The following ESR1 variants were observed in gnomAD, a reference collection of about 807,000 sequenced individuals.
The protein encoded by ESR1 is estrogen receptor.
In ESR1, 12 loss-of-function variants were observed where a neutral mutation model predicts 52.7. The observed-to-expected ratio is 0.23, with a 90% CI of 0.15 to 0.37. The LOEUF (loss-of-function observed/expected upper bound fraction) is 0.37, where lower values mean the gene tolerates loss of function less well. Among genes scored for constraint, ESR1 ranks in the 10% least tolerant of loss-of-function variants. The pLI is 1.00. For missense variants in ESR1, 584 were observed against 779.7 expected, an observed-to-expected ratio of 0.75 and a Z score of 2.99; for synonymous variants, 305 against 316.8, an observed-to-expected ratio of 0.96 and a Z score of 0.39.
intron 4 of ESR1, among the ~76,000 whole-genome samples, chr6:151,948,051 A>T (rs2035907907): frequency 6.6e-6 from 1 of 152,188 alleles, no homozygotes; most frequent in Admixed American, 6.5e-5. Context: ...ATTATTTTAC[A>T]CATGGTGAAA....
At chr6:152,117,930 C>T (rs550025881) in intron 6 of ESR1, among the ~76,000 whole-genome samples, 9 of 152,258 alleles carry the variant, frequency 5.9e-5, no homozygotes, top group Middle Eastern at 3.4e-3. Flanking sequence ...CCACAGTTAC[C>T]CCAGGGTACT....
intron 2 of ESR1, among the ~76,000 whole-genome samples, chr6:151,724,340 C>G (rs1781684718): frequency 6.6e-6 from 1 of 152,142 alleles, no homozygotes; most frequent in South Asian, 2.1e-4. Context: ...CTAGCCCCTC[C>G]TTCCTCAAGA....
intron 2 of ESR1, among the ~76,000 whole-genome samples, chr6:151,858,865 A>G (rs1788371082): frequency 6.6e-6 from 1 of 152,226 alleles, no homozygotes; most frequent in African/African-American, 2.4e-5. Flanking sequence ...TTACCAAGAA[A>G]TAACAGAGGA....
intron 2 of ESR1, among the ~76,000 whole-genome samples, chr6:151,880,000 T>C (rs1048686672): frequency 6.6e-6 from 1 of 152,124 alleles, no homozygotes; most frequent in African/African-American, 2.4e-5. Flanking sequence ...TGGCAAGCAG[T>C]CTTGGTAAAA....
At chr6:151,975,243 A>G (rs140476709) in intron 4 of ESR1, among the ~76,000 whole-genome samples, 38 of 152,304 alleles carry the variant, frequency 2.5e-4, no homozygotes, top group African/African-American at 8.7e-4. Context: ...GGTTGTCTCT[A>G]TGCTTCACAC....
chr6:152,027,060 G>A (rs948127694), intron 5 of ESR1, among the ~76,000 whole-genome samples: 7 of 151,402 alleles, frequency 4.6e-5, no homozygotes, highest in African/African-American at 1.5e-4. Flanking sequence ...TCTGCCTCCC[G>A]GGTTCCAGCG....
chr6:151,954,218 C>A (rs1440490926), intron 4 of ESR1, among the ~76,000 whole-genome samples: 1 of 152,142 alleles, frequency 6.6e-6, no homozygotes, highest in East Asian at 1.9e-4. Context: ...GTTTGCTCAA[C>A]TTTGAATGGA....
chr6:152,090,502 G>A (rs971735518), intron 6 of ESR1, among the ~76,000 whole-genome samples: 14 of 152,340 alleles, frequency 9.2e-5, no homozygotes, highest in African/African-American at 3.4e-4. Flanking sequence ...GAGACATTTA[G>A]ATGTGTCCCC....
chr6:152,115,103 T>C (rs113329363), intron 6 of ESR1, among the ~76,000 whole-genome samples: 6 of 137,494 alleles, frequency 4.4e-5, no homozygotes, highest in Non-Finnish European at 7.9e-5. Flanking sequence ...ATATTTCACA[T>C]GTCTCTCCAA....
At chr6:151,856,799 G>T (rs1038602055) in intron 2 of ESR1, among the ~76,000 whole-genome samples, 1 of 152,126 alleles carries the variant, frequency 6.6e-6, no homozygotes, top group South Asian at 2.1e-4. Context: ...AGCTGGAAGA[G>T]CAAGGTGTGT....
chr6:152,059,651 C>A (rs1272655001), intron 5 of ESR1, among the ~76,000 whole-genome samples: 1 of 152,086 alleles, frequency 6.6e-6, no homozygotes, highest in African/African-American at 2.4e-5. Context: ...TATTTGAAAG[C>A]AATGTTTGAA....
chr6:151,924,326 C>T (rs1341158539), intron 3 of ESR1, among the ~76,000 whole-genome samples: 1 of 152,180 alleles, frequency 6.6e-6, no homozygotes, highest in Non-Finnish European at 1.5e-5. Context: ...CAGACATAAG[C>T]CACGGCGTCC....
chr6:151,996,879 A>AT (rs1180310802), intron 4 of ESR1, among the ~76,000 whole-genome samples: 1 of 152,060 alleles, frequency 6.6e-6, no homozygotes, highest in African/African-American at 2.4e-5. Context: ...AGGGAATCTC[A>AT]TTTTTTGGGT....
intron 1 of ESR1, among the ~76,000 whole-genome samples, chr6:151,673,234 T>C (rs1306392204): frequency 6.6e-6 from 1 of 152,172 alleles, no homozygotes; most frequent in Non-Finnish European, 1.5e-5. Flanking sequence ...GAATATAATA[T>C]TGATTCACTT....
At chr6:152,122,584 A>G in intron 6 of ESR1, 2 of 1,613,992 alleles carry the variant, frequency 1.2e-6, no homozygotes, top group Non-Finnish European at 1.7e-6. Flanking sequence ...CTGAAGGGGA[A>G]GAGCTGCTCG....
chr6:151,833,615 G>A (rs1273770188), intron 1 of ESR1, among the ~76,000 whole-genome samples: 1 of 152,158 alleles, frequency 6.6e-6, no homozygotes, highest in African/African-American at 2.4e-5. Flanking sequence ...ATCCAACTGT[G>A]TATCAGACAC....
At chr6:151,964,253 C>T (rs953761426) in intron 4 of ESR1, among the ~76,000 whole-genome samples, 1 of 152,136 alleles carries the variant, frequency 6.6e-6, no homozygotes, top group Non-Finnish European at 1.5e-5. Context: ...CTGCAGATCA[C>T]TTTGGATAGC....
intron 3 of ESR1, among the ~76,000 whole-genome samples, chr6:151,885,668 C>A (rs1793720139): frequency 6.6e-6 from 1 of 152,088 alleles, no homozygotes; most frequent in Non-Finnish European, 1.5e-5. Flanking sequence ...AGTTCAAGAC[C>A]AGCCTGGCCA....
At chr6:151,721,496 C>T (rs910736300) in intron 2 of ESR1, among the ~76,000 whole-genome samples, 4 of 152,104 alleles carry the variant, frequency 2.6e-5, no homozygotes, top group African/African-American at 9.7e-5. Flanking sequence ...GAGGATAGGG[C>T]CATGTAAGTA....
Sources: allele counts gnomAD v4.1 joint callset (sites outside exome capture counted in the v4.1 genomes callset), GRCh38; gene constraint gnomAD v4.1.1; transcripts MANE v1.5; gene names NCBI Gene and HGNC (gene_info 2026-07-23, HGNC 2026-07-21).